The following SF3B6 variants were observed in gnomAD, a reference collection of about 807,000 sequenced individuals.
SF3B6 encodes the protein splicing factor 3b subunit 6.
SF3B6 carries 3 observed loss-of-function variants against 15.9 expected under a neutral mutation model. The ratio of observed to expected loss-of-function variants is 0.19; its 90% CI spans 0.09 to 0.49. The LOEUF (loss-of-function observed/expected upper bound fraction) is 0.49, where lower values mean the gene tolerates loss of function less well. SF3B6 is among the 20% of genes least tolerant of loss of function. SF3B6 has a pLI of 0.97. For missense variants in SF3B6, 71 were observed against 154.3 expected (o/e 0.46, Z 2.86); for synonymous variants, 49 against 51.1 (o/e 0.96, Z 0.18).
chr2:24,072,738 C>T (rs1162338364), intron 2 of SF3B6, among the ~76,000 whole-genome samples: 1 of 152,216 alleles, frequency 6.6e-6, no homozygotes, highest in African/African-American at 2.4e-5. Flanking sequence ...AAGGCCACCA[C>T]CCAGATTATC....
intron 1 of SF3B6, among the ~76,000 whole-genome samples, 190 bp downstream of exon 1, chr2:24,076,010 G>T (rs1044446912): frequency 6.6e-6 from 1 of 152,094 alleles, no homozygotes; most frequent in Non-Finnish European, 1.5e-5. Context: ...CTCAAAAGGG[G>T]TGGGGACAGA....
chr2:24,074,063 CAGTA>C lies in SF3B6; in HGVS notation c.149+9_149+12del, dbSNP rs769432422. 5 of 1,400,400 alleles carry C rather than the reference CAGTA, an allele frequency of 3.6e-6. No homozygotes were observed. The highest frequency in any genetic ancestry group is 5.1e-6 in the Non-Finnish European group (5 of 988,882). 86.7% of individuals were successfully genotyped at this position (1,400,400 alleles called of 1,614,324 possible). A position where few individuals can be genotyped will look rare whatever the true frequency, so the allele number is the denominator to read the frequency against. On this transcript the variant is annotated intron_variant, in intron 2 of 3. Coordinates refer to ENST00000233468, the MANE Select transcript of SF3B6 (RefSeq NM_016047.4). The stretch of plus-strand genomic sequence containing the variant: ...ATGCTATCATTTTCTTTAAATGACT[CAGTA>C]AGACTCACACTCTGATTTGACGAAT...
At chr2:24,073,574 C>A (rs1664688545) in intron 2 of SF3B6, 1 of 152,278 alleles carries the variant, frequency 6.6e-6, no homozygotes, top group Non-Finnish European at 1.5e-5. Context: ...ATGTTTTCCT[C>A]TATACTTTTA....
intron 2 of SF3B6, among the ~76,000 whole-genome samples, chr2:24,070,967 TTAAA>T (rs1236195492): frequency 2.0e-5 from 3 of 152,196 alleles, no homozygotes; most frequent in Non-Finnish European, 4.4e-5. Flanking sequence ...TAGAAAGACA[TTAAA>T]TAAATATGAA....
intron 2 of SF3B6, among the ~76,000 whole-genome samples, chr2:24,071,880 T>A (rs1664655820): frequency 6.6e-6 from 1 of 152,224 alleles, no homozygotes; most frequent in African/African-American, 2.4e-5. Context: ...TCTGAAACAT[T>A]CTCTAACTTC....
chr2:24,075,937 G>A (rs1664737300), intron 1 of SF3B6, among the ~76,000 whole-genome samples: 1 of 152,046 alleles, frequency 6.6e-6, no homozygotes, highest in Admixed American at 6.6e-5. Context: ...CTTAGGTGCG[G>A]GTCAAGCAAA....
At chr2:24,073,909 T>TG (rs1664692003) in intron 2 of SF3B6, 167 bp downstream of exon 2, 2 of 554,994 alleles carry the variant, frequency 3.6e-6, no homozygotes, top group Non-Finnish European at 6.3e-6. Flanking sequence ...GTAGGTTTTC[T>TG]CCCCCCTTCA....
Position 24,068,301 on chromosome 2 carries a change from G to A in SF3B6, c.288+20C>T, listed in dbSNP as rs762764907. ...TTCTCAAATGAGATCACTACACAATGAGAACTTTGCTATACTTACCCTGTT... is the reference window on the plus strand; with the variant it reads ...TTCTCAAATGAGATCACTACACAATAAGAACTTTGCTATACTTACCCTGTT... On this transcript the variant is annotated intron_variant, in intron 3 of 3. Coordinates refer to ENST00000233468, the MANE Select transcript of SF3B6 (RefSeq NM_016047.4). 3.1e-6 allele frequency: 5 copies of A among 1,603,600 alleles called. No individual in the cohort carries two copies. The African/African-American group carries it at 4.0e-5, about 13-fold the overall frequency.
At chr2:24,076,170 C>G in intron 1 of SF3B6, 30 bp downstream of exon 1, 1 of 1,614,086 alleles carries the variant, frequency 6.2e-7, no homozygotes, top group Non-Finnish European at 8.5e-7. Context: ...CCGAAGTTCT[C>G]CCACCCTCCG....
intron 2 of SF3B6, among the ~76,000 whole-genome samples, chr2:24,072,254 G>A (rs1027667830): frequency 2.0e-5 from 3 of 152,108 alleles, no homozygotes; most frequent in Non-Finnish European, 4.4e-5. Flanking sequence ...CCAAAGTGCC[G>A]GGATTACAGG....
intron 3 of SF3B6, 31 bp from the exon 4 acceptor site, chr2:24,067,882 T>C: frequency 2.5e-6 from 4 of 1,576,130 alleles, no homozygotes; most frequent in Non-Finnish European, 3.5e-6. Context: ...AAAATTAAAT[T>C]ACCAATCTAC....
In SF3B6 at chr2:24,074,096, T is replaced by C. The variant is rs1276826070; in HGVS notation, c.129A>G (p.Gly43=). 2 of 1,587,066 alleles carry C rather than the reference T, an allele frequency of 1.3e-6. No individual in the cohort carries two copies. Among genetic ancestry groups the C allele is most frequent in the South Asian group, 1.1e-5 (1 of 89,958 alleles). Residue 43 remains glycine, a synonymous_variant, in exon 2 of 4, where the codon GGA becomes GGG. Transcript: ENST00000233468. The part of the protein sequence containing the change: ...EEMYDIFGKY[G]PIRQIRVGNT... The stretch of plus-strand genomic sequence containing the variant: ...CTCACACTCTGATTTGACGAATAGG[T>C]CCATATTTCCCAAATATATCATACA...
chr2:24,068,128 T>C (rs1664590747), intron 3 of SF3B6, among the ~76,000 whole-genome samples, 193 bp downstream of exon 3: 2 of 152,052 alleles, frequency 1.3e-5, no homozygotes, highest in Admixed American at 1.3e-4. Flanking sequence ...CACGCCCGGC[T>C]AATTTTTTGT....
At position 24,076,218 on chromosome 2, in the gene SF3B6, T is replaced by C. The variant is rs116430313; in HGVS notation, c.12A>G (p.Gln4=). Residue 4 remains glutamine, a synonymous_variant, in exon 1 of 4, where the codon CAA becomes CAG. Transcript: ENST00000233468. MAM[Q]AAKRANIRLP... ...TACTCACGTTCGCCCTCTTGGCCGC[T>C]TGCATCGCCATCTTGGCGGGCTGAT... 30 of 1,614,184 alleles carry C rather than the reference T, an allele frequency of 1.9e-5. No individual in the cohort carries two copies. The highest frequency in any genetic ancestry group is 1.6e-4 in the East Asian group (7 of 44,882).
chr2:24,075,582 GT>G (rs3030919), intron 1 of SF3B6, among the ~76,000 whole-genome samples: 1,636 of 140,116 alleles, frequency 0.012, 31 homozygotes, highest in African/African-American at 0.039. Context: ...TCTTTTTTGA[GT>G]TTTTTTTTTT....
chr2:24,075,889 T>C (rs749929908), intron 1 of SF3B6, among the ~76,000 whole-genome samples: 102 of 152,062 alleles, frequency 6.7e-4, no homozygotes, highest in African/African-American at 2.0e-3. Flanking sequence ...TTCTGAGATA[T>C]CGACTTTAAG....
chr2:24,072,063 T>C (rs1664660047), intron 2 of SF3B6, among the ~76,000 whole-genome samples: 1 of 152,162 alleles, frequency 6.6e-6, no homozygotes, highest in Admixed American at 6.5e-5. Flanking sequence ...GCTCACTCAC[T>C]GCAGCCTCAG....
Position 24,068,398 on chromosome 2 carries a change from TG to T in SF3B6, c.210del (p.Lys71ArgfsTer40). 1 of 1,614,176 alleles carries T rather than the reference TG, an allele frequency of 6.2e-7. No homozygotes were observed. Among genetic ancestry groups the T allele is most frequent in the Non-Finnish European group, 8.5e-7 (1 of 1,180,006 alleles). ...AYVVYEDIFDAKNACDHLSGF... is the reference protein window; with the variant it reads ...AYVVYEDIFDXKNACDHLSGF... Reference sequence around the variant, plus strand: ...CCCGATAGGTGATCACATGCATTCTTGGCATCAAAGATGTCCTCATAGACCA... The same window carrying T: ...CCCGATAGGTGATCACATGCATTCTTGCATCAAAGATGTCCTCATAGACCA... On this transcript the variant is annotated frameshift_variant, in exon 3 of 4. Transcript: ENST00000233468. LOFTEE classifies it high-confidence loss of function.
rs886620681 is a variant in SF3B6 at position 24,076,105 on chromosome 2, T to C, written c.30+95A>G. The C allele has an allele frequency of 5.2e-5, 78 of 1,491,198 alleles. 2 individuals carry two copies. The Middle Eastern group carries it at 1.0e-3, about 20-fold the overall frequency. The allele number at this position is 1,491,198 out of a possible 1,614,324, so 92.4% of individuals were successfully genotyped here. A position where few individuals can be genotyped will look rare whatever the true frequency, so the allele number is the denominator to read the frequency against. On this transcript the variant is annotated intron_variant, in intron 1 of 3. Transcript: ENST00000233468. ...ATAGGAATTCTGGAGTTCTCCGCTC[T>C]GGGGACGGAGGAGGAGCAAGAATGC...
Sources: gnomAD v4.1 joint callset for allele counts (sites outside exome capture counted in the v4.1 genomes callset) on GRCh38, gnomAD v4.1.1 for gene constraint, MANE v1.5 for transcripts, NCBI Gene and HGNC (gene_info 2026-07-23, HGNC 2026-07-21) for gene names.